Variants in LIMCH1 observed in about 807,000 individuals in gnomAD.
LIMCH1 encodes LIM and calponin homology domains-containing protein 1.
In LIMCH1, 113 loss-of-function variants were observed where a neutral mutation model predicts 176.5. The observed-to-expected ratio is 0.64, with a 90% CI of 0.55 to 0.75. The LOEUF (loss-of-function observed/expected upper bound fraction) is 0.75. Ranked by LOEUF, LIMCH1 falls within the 30% of genes least tolerant of loss-of-function variation. The pLI is 0.00. For missense variants in LIMCH1, 1,674 were observed against 1,814.9 expected (o/e 0.92, Z 1.41); for synonymous variants, 619 against 645.9 (o/e 0.96, Z 0.63).
intron 1 of LIMCH1, among the ~76,000 whole-genome samples, chr4:41,569,205 C>T (rs940111746): frequency 5.3e-5 from 8 of 152,172 alleles, no homozygotes; most frequent in South Asian, 2.1e-4. Flanking sequence ...TCAAAATGCT[C>T]GCTTTCTTAA....
chr4:41,691,717 C>G (rs566910407), intron 30 of LIMCH1, among the ~76,000 whole-genome samples: 1 of 152,038 alleles, frequency 6.6e-6, no homozygotes, highest in South Asian at 2.1e-4. Flanking sequence ...GAGCTGAGAT[C>G]ATGCCATTGC....
In LIMCH1 at chr4:41,547,874, T is replaced by C. The variant is rs555604304; in HGVS notation, c.-241+9524T>C. Among the ~76,000 whole-genome samples, 62 of 134,642 alleles carry C rather than the reference T, an allele frequency of 4.6e-4. No homozygotes were observed. In the East Asian group the frequency reaches 0.011, roughly 24 times the overall value. The allele number at this position is 134,642 out of a possible 152,430, so 88.3% of individuals were successfully genotyped here. A position where few individuals can be genotyped will look rare whatever the true frequency, so the allele number is the denominator to read the frequency against. ...TAATTTGTGTGTGTGTATATATATA[T>C]ATATATATATATATATATATATAAA... On this transcript the variant is annotated intron_variant, in intron 1 of 31. Coordinates refer to ENST00000503057, the MANE Select transcript of LIMCH1 (RefSeq NM_001330672.2).
intron 21 of LIMCH1, among the ~76,000 whole-genome samples, chr4:41,666,879 G>C (rs2094845893): frequency 6.6e-6 from 1 of 152,178 alleles, no homozygotes; most frequent in Admixed American, 6.5e-5. Context: ...AGCTGCCAAG[G>C]CCATTTGGTC....
At chr4:41,540,295 A>G (rs1583717705) in intron 1 of LIMCH1, among the ~76,000 whole-genome samples, 1 of 152,144 alleles carries the variant, frequency 6.6e-6, no homozygotes, top group South Asian at 2.1e-4. Flanking sequence ...AGAAGGAGAA[A>G]GAGGAGGAGG....
At chr4:41,364,659 C>A (rs2052694244) in intron 1 of LIMCH1, among the ~76,000 whole-genome samples, 1 of 152,140 alleles carries the variant, frequency 6.6e-6, no homozygotes, top group African/African-American at 2.4e-5. Context: ...CAATATTATG[C>A]TGAATATGTA....
intron 18 of LIMCH1, among the ~76,000 whole-genome samples, chr4:41,653,036 T>C (rs936130135): frequency 1.1e-4 from 16 of 152,202 alleles, no homozygotes; most frequent in Non-Finnish European, 2.4e-4. Context: ...CTTTAGGCTT[T>C]TGAATCAACT....
At chr4:41,588,106 C>T (rs952365711) in intron 1 of LIMCH1, among the ~76,000 whole-genome samples, 1 of 151,530 alleles carries the variant, frequency 6.6e-6, no homozygotes, top group Non-Finnish European at 1.5e-5. Context: ...CCACAACAGT[C>T]CCTAGAGTGT....
At chr4:41,392,040 A>G (rs745786790) in intron 1 of LIMCH1, among the ~76,000 whole-genome samples, 5 of 152,164 alleles carry the variant, frequency 3.3e-5, no homozygotes, top group Non-Finnish European at 7.3e-5. Context: ...AAAATGCCCT[A>G]TGTTGTGAAT....
At chr4:41,488,746 T>A (rs2070186102) in intron 1 of LIMCH1, among the ~76,000 whole-genome samples, 1 of 152,200 alleles carries the variant, frequency 6.6e-6, no homozygotes, top group Non-Finnish European at 1.5e-5. Context: ...TCATATATGA[T>A]TCCATTGTGA....
chr4:41,446,704 A>G (rs184469349), intron 1 of LIMCH1, among the ~76,000 whole-genome samples: 16 of 152,246 alleles, frequency 1.1e-4, no homozygotes, highest in Non-Finnish European at 1.6e-4. Context: ...AAGCCTGTAT[A>G]TAAATCCAAT....
chr4:41,685,933 A>G (rs1239058233), intron 28 of LIMCH1, 103 bp downstream of exon 28: 1 of 1,250,484 alleles, frequency 8.0e-7, no homozygotes, highest in East Asian at 2.6e-5. Context: ...GGACAGCAGC[A>G]TTTTTGTGCT....
chr4:41,514,734 T>C (rs1326826285), intron 2 of LIMCH1, among the ~76,000 whole-genome samples: 2 of 152,130 alleles, frequency 1.3e-5, no homozygotes, highest in Non-Finnish European at 2.9e-5. Context: ...GTGCCCCAAA[T>C]ACAAATAGGT....
chr4:41,659,444 A>G (rs1191472751), intron 18 of LIMCH1, among the ~76,000 whole-genome samples: 1 of 152,170 alleles, frequency 6.6e-6, no homozygotes, highest in African/African-American at 2.4e-5. Flanking sequence ...AAAACCTTTT[A>G]GAAACTTGAA....
In LIMCH1 at chr4:41,666,549, T is replaced by TC. The variant is rs749158564; in HGVS notation, c.3292-10dup. On this transcript the variant is annotated splice_polypyrimidine_tract_variant and intron_variant, in intron 20 of 31. Coordinates refer to ENST00000503057, the MANE Select transcript of LIMCH1 (RefSeq NM_001330672.2). ...GTTCTTGCAATATTTATACCTGTTT[T>TC]CCATTGTCCAGGTGGTAAAGCCAAA... is the stretch of plus-strand genomic sequence containing the variant. 1 of 1,575,508 alleles carries TC rather than the reference T, an allele frequency of 6.3e-7. No homozygotes were observed. The highest frequency in any genetic ancestry group is 8.7e-7 in the Non-Finnish European group (1 of 1,145,028).
At chr4:41,426,269 C>T (rs2061093291) in intron 1 of LIMCH1, among the ~76,000 whole-genome samples, 1 of 152,030 alleles carries the variant, frequency 6.6e-6, no homozygotes, top group Non-Finnish European at 1.5e-5. Flanking sequence ...GATCCGCCCG[C>T]CTCGGCCTCC....
intron 7 of LIMCH1, among the ~76,000 whole-genome samples, chr4:41,625,469 T>G (rs2092884768): frequency 6.6e-6 from 1 of 152,198 alleles, no homozygotes; most frequent in South Asian, 2.1e-4. Flanking sequence ...AGCTCAAAAC[T>G]TGTATCATTA....
chr4:41,604,572 T>C (rs980699718), intron 3 of LIMCH1, among the ~76,000 whole-genome samples: 5 of 152,200 alleles, frequency 3.3e-5, no homozygotes, highest in African/African-American at 1.2e-4. Flanking sequence ...TTTTCCTCCT[T>C]TATAAAACTA....
At chr4:41,486,192 T>C (rs1009645993) in intron 1 of LIMCH1, among the ~76,000 whole-genome samples, 1 of 152,306 alleles carries the variant, frequency 6.6e-6, no homozygotes, top group Non-Finnish European at 1.5e-5. Flanking sequence ...CTGGGCTCTC[T>C]CTTCATCACT....
chr4:41,427,319 A>G (rs534514667), intron 1 of LIMCH1, among the ~76,000 whole-genome samples: 39 of 152,230 alleles, frequency 2.6e-4, no homozygotes, highest in African/African-American at 8.9e-4. Context: ...CATGTGTTTT[A>G]AGTACCCCAT....
Sources: gnomAD v4.1 joint callset for allele counts (sites outside exome capture counted in the v4.1 genomes callset) on GRCh38, gnomAD v4.1.1 for gene constraint, MANE v1.5 for transcripts, NCBI Gene and HGNC (gene_info 2026-07-23, HGNC 2026-07-21) for gene names.